The following ATP8B2 variants were observed in gnomAD, a reference collection of about 807,000 sequenced individuals.
ATP8B2 encodes phospholipid-transporting ATPase ID.
Under a neutral mutation model 133.4 loss-of-function variants are expected in ATP8B2, and 70 were observed. The observed-to-expected ratio is 0.52, with a 90% CI of 0.43 to 0.64. The LOEUF (loss-of-function observed/expected upper bound fraction) is 0.64, where lower values mean the gene tolerates loss of function less well. Among genes scored for constraint, ATP8B2 ranks in the 30% least tolerant of loss-of-function variants. The pLI, the probability that ATP8B2 is intolerant of heterozygous loss-of-function variation, is 0.00. For synonymous variants in ATP8B2, 517 were observed against 589.5 expected, an observed-to-expected ratio of 0.88 and a Z score of 1.78; for missense variants, 1,101 against 1,535.7, an observed-to-expected ratio of 0.72 and a Z score of 4.73.
intron 1 of ATP8B2, chr1:154,327,714 C>T: frequency 7.2e-7 from 1 of 1,382,170 alleles, no homozygotes. Flanking sequence ...TTCCCTCCAC[C>T]CCACCCTTTG....
At chr1:154,327,525 G>C (rs1204643419) in intron 1 of ATP8B2, among the ~76,000 whole-genome samples, 1 of 152,160 alleles carries the variant, frequency 6.6e-6, no homozygotes. Flanking sequence ...AAGCTGTTTA[G>C]GGACTGTCTG....
chr1:154,326,810 T>C lies in ATP8B2; in HGVS notation c.-38+1108T>C, dbSNP rs2149156737. 1.3e-5 allele frequency among the ~76,000 whole-genome samples: 2 copies of C among 152,318 alleles called. 1 individual carries two copies. The highest frequency in any genetic ancestry group is 6.8e-3 in the Middle Eastern group (2 of 294). On this transcript the variant is annotated intron_variant, in intron 1 of 27. Coordinates refer to ENST00000368489, the MANE Select transcript of ATP8B2 (RefSeq NM_001370597.1). ...CCAAGGGCGGGGCTGCCTGTAGAACTTGTGATGCCCACTCTTGCATCCTTT... is the reference window on the plus strand; with the variant it reads ...CCAAGGGCGGGGCTGCCTGTAGAACCTGTGATGCCCACTCTTGCATCCTTT...
chr1:154,337,694 TG>T (rs1350854163), intron 12 of ATP8B2, 150 bp downstream of exon 12: 1 of 1,566,014 alleles, frequency 6.4e-7, no homozygotes, highest in African/African-American at 1.4e-5. Context: ...TTTATCTTTG[TG>T]GGCAGAGCAA....
rs745639324 is a variant in ATP8B2, at chr1:154,343,218, T to C, written c.1559T>C (p.Val520Ala). 3.1e-6 allele frequency: 5 copies of C among 1,614,020 alleles called. No individual in the cohort carries two copies. In the East Asian group the frequency reaches 8.9e-5, roughly 29 times the overall value. ...TCTCGCACCCCCAAAACAATCACCG[T>C]CCATGAGATGGGCACAGCCATCACC... is the stretch of plus-strand genomic sequence containing the variant. ...FRSRTPKTIT[V>A]HEMGTAITYQ... The change falls in exon 16 of 28, where the codon GTC (valine) becomes GCC (alanine). Residue 520 changes from valine (V) to alanine (A), a missense_variant. Coordinates refer to ENST00000368489, the MANE Select transcript of ATP8B2 (RefSeq NM_001370597.1). This position sits in a 1 kb window ranked among gnomAD's most constrained non-coding sequence, Gnocchi z 5.8.
chr1:154,350,554 C>T lies in ATP8B2; in HGVS notation c.*1436C>T, dbSNP rs1443230838. ...TGGAACGGGAATTGGCCTCTCTGCT[C>T]CCTTCTTCAGTAAGCAAGGAGCCCC... On this transcript the variant is annotated 3_prime_UTR_variant, in exon 28 of 28. Transcript: ENST00000368489. The T allele has an allele frequency of 1.3e-5, 2 of 152,314 alleles. No individual in the cohort carries two copies. Among genetic ancestry groups the T allele is most frequent in the African/African-American group, 4.8e-5 (2 of 41,448 alleles). 9.4% of individuals were successfully genotyped at this position (152,314 alleles called of 1,614,324 possible).
chr1:154,346,374 G>A lies in ATP8B2; in HGVS notation c.2922G>A (p.Gly974=). The A allele has an allele frequency of 6.2e-7, 1 of 1,614,154 alleles. No homozygotes were observed. Among genetic ancestry groups the A allele is most frequent in the African/African-American group, 1.3e-5 (1 of 75,022 alleles). ...TGCTCATGTTCTTCATTCCCTATGG[G>A]GTGTTTGCTGATGCCACCCGGGATG... ...TSVLMFFIPY[G]VFADATRDDG... is the part of the protein sequence containing the mutation. The change falls in exon 25 of 28, where the codon GGG becomes GGA. Residue 974 remains glycine, a synonymous_variant. Transcript: ENST00000368489. The surrounding 1 kb of genome is among the most constrained non-coding windows in gnomAD (Gnocchi z 4.5).
At chr1:154,347,941 A>G (rs1456423065) in intron 26 of ATP8B2, among the ~76,000 whole-genome samples, 1 of 148,918 alleles carries the variant, frequency 6.7e-6, no homozygotes, top group East Asian at 1.9e-4. Context: ...TCTGTCTCAA[A>G]AAAAAAAAAA....
Position 154,334,439 on chromosome 1 carries a change from C to T in ATP8B2, c.749-64C>T. On this transcript the variant is annotated intron_variant, in intron 10 of 27. Transcript: ENST00000368489. This position sits in a 1 kb window ranked among gnomAD's most constrained non-coding sequence, Gnocchi z 4.6. ...CCCTGGTGTCCTGCAGTCTGGGGAT[C>T]AGGGCAGAAGCCCAGAGGCAGATGT... 6.4e-7 allele frequency: 1 copy of T among 1,569,884 alleles called. No homozygotes were observed. The highest frequency in any genetic ancestry group is 1.7e-5 in the Admixed American group (1 of 59,554).
In ATP8B2 at chr1:154,344,787, T is replaced by C; in HGVS notation, c.2286+2T>C. ...CTGGTCATAAATGGTCACAGCCTGG[T>C]AGGCATCGCTATCCTTAGCTTGGGC... On this transcript the variant is annotated splice_donor_variant, in intron 21 of 27. Transcript: ENST00000368489. LOFTEE classifies it high-confidence loss of function. This position sits in a 1 kb window ranked among gnomAD's most constrained non-coding sequence, Gnocchi z 4.1. 1 of 1,594,698 alleles carries C rather than the reference T, an allele frequency of 6.3e-7. No individual in the cohort carries two copies. The highest frequency in any genetic ancestry group is 8.6e-7 in the Non-Finnish European group (1 of 1,165,094).
chr1:154,345,482 C>T lies in ATP8B2; in HGVS notation c.2631C>T (p.Tyr877=), dbSNP rs753518780. Residue 877 remains tyrosine (Y), a synonymous_variant, in exon 23 of 28, where the codon TAC becomes TAT. Transcript: ENST00000368489. The surrounding 1 kb of genome is among the most constrained non-coding windows in gnomAD (Gnocchi z 5.6). ...RMCKFLCYFF[Y]KNFAFTMVHF... ...GCAAGTTTCTTTGCTATTTCTTCTA[C>T]AAAAACTTTGCTTTCACCATGGTCC... 1 of 1,614,186 alleles carries T rather than the reference C, an allele frequency of 6.2e-7. No individual in the cohort carries two copies. The highest frequency in any genetic ancestry group is 8.5e-7 in the Non-Finnish European group (1 of 1,180,024).
chr1:154,342,746 A>G, intron 14 of ATP8B2, 50 bp from the exon 15 acceptor site: 1 of 1,590,982 alleles, frequency 6.3e-7, no homozygotes, highest in Non-Finnish European at 8.6e-7. Flanking sequence ...CTTCCCCGGG[A>G]TGCAGCCTGG....
chr1:154,330,652 C>T lies in ATP8B2; in HGVS notation c.91-163C>T. 4 of 739,414 alleles carry T rather than the reference C, an allele frequency of 5.4e-6. No individual in the cohort carries two copies. In the South Asian group the frequency reaches 7.1e-5, roughly 13 times the overall value. The allele number at this position is 739,414 out of a possible 1,614,324, so 45.8% of individuals were successfully genotyped here. On this transcript the variant is annotated intron_variant, in intron 3 of 27. Coordinates refer to ENST00000368489, the MANE Select transcript of ATP8B2 (RefSeq NM_001370597.1). ...GTCAGTGAAGCAGAATACATTGACC[C>T]CCTTGAGACTCCCTTCTCTCCTCCT...
rs762792891 is a variant in ATP8B2 at position 154,346,682 on chromosome 1, T to C, written c.3087T>C (p.Ala1029=). Residue 1029 remains alanine, a synonymous_variant, in exon 26 of 28, where the codon GCT becomes GCC. Coordinates refer to ENST00000368489, the MANE Select transcript of ATP8B2 (RefSeq NM_001370597.1). This position sits in a 1 kb window ranked among gnomAD's most constrained non-coding sequence, Gnocchi z 4.5. ...INHFFIWGSL[A]VYFAILFAMH... Reference sequence around the variant, plus strand: ...ACTTCTTCATCTGGGGAAGCCTTGCTGTTTACTTTGCCATCCTCTTTGCCA... The same window carrying C: ...ACTTCTTCATCTGGGGAAGCCTTGCCGTTTACTTTGCCATCCTCTTTGCCA... 26 of 1,614,100 alleles carry C rather than the reference T, an allele frequency of 1.6e-5. No individual in the cohort carries two copies. Among genetic ancestry groups the C allele is most frequent in the Non-Finnish European group, 2.1e-5 (25 of 1,180,058 alleles).
At position 154,349,064 on chromosome 1, in the gene ATP8B2, G is replaced by A; in HGVS notation, c.3519G>A (p.Lys1173=). 1 of 1,614,262 alleles carries A rather than the reference G, an allele frequency of 6.2e-7. No individual in the cohort carries two copies. The highest frequency in any genetic ancestry group is 8.5e-7 in the Non-Finnish European group (1 of 1,180,048). ...GGATTGAGAGCCTGCGCAGGAAGAA[G>A]AGTGACAGTGCCAGTAGCCCCAGTG... ...SSWIESLRRK[K]SDSASSPSGG... Residue 1173 remains lysine (K), a synonymous_variant, in exon 28 of 28, where the codon AAG becomes AAA. Coordinates refer to ENST00000368489, the MANE Select transcript of ATP8B2 (RefSeq NM_001370597.1).
chr1:154,334,296 G>T lies in ATP8B2; in HGVS notation c.748+31G>T, dbSNP rs762207935. On this transcript the variant is annotated intron_variant, in intron 10 of 27. Coordinates refer to ENST00000368489, the MANE Select transcript of ATP8B2 (RefSeq NM_001370597.1). The surrounding 1 kb of genome is among the most constrained non-coding windows in gnomAD (Gnocchi z 4.6). ...CCTCCTAGCATCCAAAGAAAGAAGG[G>T]TAAGAGTGACTCAGCCAGCCCTCAC... 2 of 1,609,514 alleles carry T rather than the reference G, an allele frequency of 1.2e-6. No individual in the cohort carries two copies. The highest frequency in any genetic ancestry group is 1.7e-6 in the Non-Finnish European group (2 of 1,176,334).
In ATP8B2 at chr1:154,331,431, T is replaced by G; in HGVS notation, c.304-13T>G. 6.2e-7 allele frequency: 1 copy of G among 1,613,682 alleles called. No individual in the cohort carries two copies. Among genetic ancestry groups the G allele is most frequent in the Non-Finnish European group, 8.5e-7 (1 of 1,179,918 alleles). On this transcript the variant is annotated splice_polypyrimidine_tract_variant and intron_variant, in intron 5 of 27. Coordinates refer to ENST00000368489, the MANE Select transcript of ATP8B2 (RefSeq NM_001370597.1). The surrounding 1 kb of genome is among the most constrained non-coding windows in gnomAD (Gnocchi z 4.8). ...GGGGAAGGTGTCTTACCTTTCAGTT[T>G]TCTTCTTTTCAGTTCCGCCACAAGA...
rs745879946 is a variant in ATP8B2 at position 154,328,078 on chromosome 1, A to G, written c.-37-27A>G. On this transcript the variant is annotated intron_variant, in intron 1 of 27. Coordinates refer to ENST00000368489, the MANE Select transcript of ATP8B2 (RefSeq NM_001370597.1). The surrounding 1 kb of genome is among the most constrained non-coding windows in gnomAD (Gnocchi z 4.6). ...GGGAAGGGTTATCCTCAGCTTCCTG[A>G]CCTCATTCGTCTGTCACTTCTTGCA... 1.2e-6 allele frequency: 2 copies of G among 1,609,156 alleles called. No homozygotes were observed. Among genetic ancestry groups the G allele is most frequent in the African/African-American group, 2.7e-5 (2 of 74,746 alleles).
chr1:154,329,065 T>C, intron 2 of ATP8B2: 1 of 1,302,372 alleles, frequency 7.7e-7, no homozygotes, highest in Non-Finnish European at 1.0e-6. Context: ...AGAAGCCCTC[T>C]TGGGGGACAG....
chr1:154,328,772 TG>T lies in ATP8B2; in HGVS notation c.31+606del, dbSNP rs1685880330. ...GCACGCTGGCATCCGCCGGGGGGCA[TG>T]GGGGGCGGCGGCGGCGGCGCAGCTG... On this transcript the variant is annotated intron_variant, in intron 2 of 27. Transcript: ENST00000368489. The surrounding 1 kb of genome is among the most constrained non-coding windows in gnomAD (Gnocchi z 4.6). The T allele has an allele frequency of 4.0e-6, 4 of 998,442 alleles. No individual in the cohort carries two copies. The highest frequency in any genetic ancestry group is 1.8e-5 in the African/African-American group (1 of 56,790). The allele number at this position is 998,442 out of a possible 1,614,324, so 61.8% of individuals were successfully genotyped here.
Sources: gnomAD v4.1 joint callset for allele counts (sites outside exome capture counted in the v4.1 genomes callset) on GRCh38, gnomAD v4.1.1 for gene constraint, Gnocchi (gnomAD v3.1) non-coding constraint, MANE v1.5 for transcripts, NCBI Gene and HGNC (gene_info 2026-07-23, HGNC 2026-07-21) for gene names.